DLEU7: variants seen among roughly 807,000 people sequenced by gnomAD.
DLEU7 encodes the protein deleted in lymphocytic leukemia 7.
Under a neutral mutation model 16.0 loss-of-function variants are expected in DLEU7, and 17 were observed. The ratio of observed to expected loss-of-function variants is 1.06; its 90% CI spans 0.73 to 1.59. The LOEUF (loss-of-function observed/expected upper bound fraction) is 1.59, where lower values mean the gene tolerates loss of function less well. Ranked by LOEUF, DLEU7 falls within the 40% of genes most tolerant of loss-of-function variation. The probability of loss-of-function intolerance (pLI) is 0.00; values close to 1 mark genes in which losing one functional copy is unlikely to be tolerated. For synonymous variants in DLEU7, 113 were observed against 139.8 expected (o/e 0.81, Z 1.35); for missense variants, 308 against 314.9 (o/e 0.98, Z 0.17).
chr13:50,732,852 T>C (rs1211456919), intron 1 of DLEU7, among the ~76,000 whole-genome samples: 2 of 152,176 alleles, frequency 1.3e-5, no homozygotes, highest in African/African-American at 2.4e-5. Context: ...TAGTAACTTA[T>C]GTAAGGGCCT....
intron 1 of DLEU7, among the ~76,000 whole-genome samples, chr13:50,771,710 T>C (rs1360310391): frequency 6.6e-6 from 1 of 152,206 alleles, no homozygotes; most frequent in Non-Finnish European, 1.5e-5. Flanking sequence ...GGAATAAGTC[T>C]GATGTGGTGC....
chr13:50,826,511 A>G (rs1160427603), intron 1 of DLEU7, among the ~76,000 whole-genome samples: 1 of 152,202 alleles, frequency 6.6e-6, no homozygotes. Context: ...TTAGAATGCA[A>G]GATTACAAGT....
intron 1 of DLEU7, among the ~76,000 whole-genome samples, chr13:50,782,174 C>A (rs1432378436): frequency 1.3e-5 from 2 of 152,170 alleles, no homozygotes; most frequent in Admixed American, 1.3e-4. Context: ...AAAACCACCT[C>A]CCTCACAAAG....
At chr13:50,728,573 A>G (rs1388712858) in intron 1 of DLEU7, among the ~76,000 whole-genome samples, 1 of 152,182 alleles carries the variant, frequency 6.6e-6, no homozygotes, top group Non-Finnish European at 1.5e-5. Flanking sequence ...CAGCGAGGTT[A>G]ATAGGACTAA....
intron 1 of DLEU7, among the ~76,000 whole-genome samples, chr13:50,817,114 G>T (rs985358254): frequency 4.6e-5 from 7 of 151,630 alleles, no homozygotes; most frequent in African/African-American, 7.3e-5. Flanking sequence ...TTTTGTAATG[G>T]TTTTTTTTAA....
chr13:50,756,114 G>A (rs1465553631), intron 1 of DLEU7, among the ~76,000 whole-genome samples: 1 of 152,214 alleles, frequency 6.6e-6, no homozygotes, highest in Non-Finnish European at 1.5e-5. Context: ...TCTGGTGGAG[G>A]TTGCAGGGGG....
In DLEU7 at chr13:50,834,819, A is replaced by G. The variant is rs186069417; in HGVS notation, c.459+8369T>C. 8.7e-4 allele frequency among the ~76,000 whole-genome samples: 133 copies of G among 152,282 alleles called. No homozygotes were observed. In the East Asian group the frequency reaches 0.018, roughly 20 times the overall value. ...AATGCCCATCAATGATAGACTGGAT[A>G]AAGAAAATGTGGCACATATGCACCA... On this transcript the variant is annotated intron_variant, in intron 1 of 1. Coordinates refer to ENST00000504404, the MANE Select transcript of DLEU7 (RefSeq NM_001306135.2).
At chr13:50,773,817 C>T (rs868206438) in intron 1 of DLEU7, among the ~76,000 whole-genome samples, 45 of 152,336 alleles carry the variant, frequency 3.0e-4, no homozygotes, top group Admixed American at 1.3e-3. Flanking sequence ...AGCTGTCAGA[C>T]AGGGACATTT....
chr13:50,818,949 AAT>A (rs1876815712), downstream of DLEU7, among the ~76,000 whole-genome samples: 1 of 152,206 alleles, frequency 6.6e-6, no homozygotes, highest in Non-Finnish European at 1.5e-5. Context: ...TCCCTAATGT[AAT>A]CACATCTGTT....
intron 1 of DLEU7, among the ~76,000 whole-genome samples, chr13:50,792,906 A>G (rs970120029): frequency 1.3e-5 from 2 of 149,864 alleles, no homozygotes; most frequent in Non-Finnish European, 1.5e-5. Context: ...TAGGGTGTAC[A>G]TGCACAGTTT....
At chr13:50,754,929 A>G (rs1874707227) in intron 1 of DLEU7, among the ~76,000 whole-genome samples, 1 of 152,280 alleles carries the variant, frequency 6.6e-6, no homozygotes, top group Middle Eastern at 3.4e-3. Flanking sequence ...AAAAGACTGT[A>G]TCTTTCCTTC....
At chr13:50,839,150 C>T (rs1230023421) in intron 1 of DLEU7, among the ~76,000 whole-genome samples, 2 of 152,228 alleles carry the variant, frequency 1.3e-5, no homozygotes, top group Non-Finnish European at 2.9e-5. Context: ...ACAATTTCAG[C>T]ATGATGTTCA....
intron 1 of DLEU7, among the ~76,000 whole-genome samples, chr13:50,787,746 A>G (rs190463981): frequency 1.3e-3 from 191 of 149,948 alleles, no homozygotes; most frequent in African/African-American, 4.6e-3. Flanking sequence ...TACTACCTAC[A>G]TAGCAGCACC....
chr13:50,826,723 G>A (rs992012829), intron 1 of DLEU7, among the ~76,000 whole-genome samples: 9 of 152,152 alleles, frequency 5.9e-5, no homozygotes, highest in Non-Finnish European at 1.0e-4. Flanking sequence ...GGGAGAACAA[G>A]TTAAGTGAAA....
At chr13:50,781,182 A>G (rs902433832) in intron 1 of DLEU7, among the ~76,000 whole-genome samples, 2 of 152,214 alleles carry the variant, frequency 1.3e-5, no homozygotes, top group Non-Finnish European at 1.5e-5. Context: ...ACACTCAGTA[A>G]TTGTTGAGAA....
At chr13:50,773,553 G>T (rs1875394614) in intron 1 of DLEU7, among the ~76,000 whole-genome samples, 1 of 152,148 alleles carries the variant, frequency 6.6e-6, no homozygotes, top group Non-Finnish European at 1.5e-5. Flanking sequence ...GTTGGAGTTT[G>T]CTGGAGGTCC....
At position 50,720,860 on chromosome 13, in the gene DLEU7, A is replaced by C. The variant is rs1483628447; in HGVS notation, c.460-7620T>G. Among the ~76,000 whole-genome samples the C allele has an allele frequency of 2.0e-5, 3 of 152,208 alleles. No individual in the cohort carries two copies. In the East Asian group the frequency reaches 5.8e-4, roughly 29 times the overall value. On this transcript the variant is annotated intron_variant, in intron 1 of 1. Coordinates refer to the DLEU7 transcript ENST00000400393. ...TTAATATCAAAGACAGGAGCCCTAA[A>C]GGAAAAAAAATGTAGATTTGGCTAT...
chr13:50,841,221 C>T (rs1033494898), intron 1 of DLEU7, among the ~76,000 whole-genome samples: 1 of 152,142 alleles, frequency 6.6e-6, no homozygotes, highest in Non-Finnish European at 1.5e-5. Context: ...GCATGACACA[C>T]AGGCCTTTCC....
At chr13:50,804,478 C>G (rs1180525896) in intron 1 of DLEU7, among the ~76,000 whole-genome samples, 1 of 151,516 alleles carries the variant, frequency 6.6e-6, no homozygotes, top group Admixed American at 6.6e-5. Flanking sequence ...ACTCTGTCAC[C>G]CAGGCTGGAG....
Sources: gnomAD v4.1 joint callset for allele counts (sites outside exome capture counted in the v4.1 genomes callset) on GRCh38, gnomAD v4.1.1 for gene constraint, MANE v1.5 for transcripts, NCBI Gene and HGNC (gene_info 2026-07-23, HGNC 2026-07-21) for gene names.